Variants in CALD1 observed in about 807,000 individuals in gnomAD.
CALD1 encodes the protein caldesmon.
Under a neutral mutation model 99.9 loss-of-function variants are expected in CALD1, and 33 were observed. The ratio of observed to expected loss-of-function variants is 0.33; its 90% CI spans 0.25 to 0.44. CALD1 has a LOEUF of 0.44. CALD1 is among the 20% of genes least tolerant of loss of function. The pLI is 1.00. For missense variants in CALD1, 861 were observed against 962.1 expected, an observed-to-expected ratio of 0.89 and a Z score of 1.39; for synonymous variants, 310 against 325.0, an observed-to-expected ratio of 0.95 and a Z score of 0.50.
At chr7:134,847,688 G>A (rs575261729) in intron 2 of CALD1, among the ~76,000 whole-genome samples, 1 of 152,284 alleles carries the variant, frequency 6.6e-6, no homozygotes, top group African/African-American at 2.4e-5. Flanking sequence ...CCCGGCCAGG[G>A]AATTGCACCT....
chr7:134,957,982 G>C, intron 9 of CALD1, 87 bp from the exon 10 acceptor site: 1 of 983,914 alleles, frequency 1.0e-6, no homozygotes, highest in African/African-American at 1.6e-5. Flanking sequence ...TGTTTAACAG[G>C]TTCAGGGATG....
chr7:134,789,031 T>TAAAAAAAAAAAA (rs35315682), intron 1 of CALD1, among the ~76,000 whole-genome samples: 1 of 116,810 alleles, frequency 8.6e-6, no homozygotes, highest in Non-Finnish European at 1.7e-5. Context: ...AAACAAAAAG[T>TAAAAAAAAAAAA]AAAAAAAAAA....
In CALD1 at chr7:134,859,203, C is replaced by T. The variant is rs375059753; in HGVS notation, c.-41-8490C>T. On this transcript the variant is annotated intron_variant, in intron 2 of 14. Transcript: ENST00000361675. ...ATGCACCCCCATTTTTGGGTAGTTG[C>T]GCTGGAGCCAGCCCTCCCTGTATCT... Among the ~76,000 whole-genome samples, 19 of 152,244 alleles carry T rather than the reference C, an allele frequency of 1.2e-4. No individual in the cohort carries two copies. In the South Asian group the frequency reaches 2.1e-3, roughly 17 times the overall value.
chr7:134,871,849 A>C (rs993076145), intron 3 of CALD1, among the ~76,000 whole-genome samples: 1 of 152,274 alleles, frequency 6.6e-6, no homozygotes, highest in African/African-American at 2.4e-5. Context: ...ACAGATTAAA[A>C]TAAAGCGAAT....
chr7:134,965,920 T>C (rs1050215211), intron 14 of CALD1, among the ~76,000 whole-genome samples: 1 of 152,128 alleles, frequency 6.6e-6, no homozygotes, highest in African/African-American at 2.4e-5. Flanking sequence ...TGGGTTCCTC[T>C]TACTTTTAGT....
At chr7:134,748,708 T>TA in intron 1 of CALD1, among the ~76,000 whole-genome samples, 1 of 132,380 alleles carries the variant, frequency 7.6e-6, no homozygotes, top group East Asian at 2.3e-4. Context: ...TGAAACTCCA[T>TA]CCCCCCGCCC....
At chr7:134,802,172 ATATGTG>A (rs1797972043) in intron 1 of CALD1, among the ~76,000 whole-genome samples, 1 of 97,330 alleles carries the variant, frequency 1.0e-5, no homozygotes, top group Non-Finnish European at 2.4e-5. Context: ...ATGTCAACAT[ATATGTG>A]TGTGTGTGTA....
chr7:134,798,027 C>T (rs992223037), intron 1 of CALD1, among the ~76,000 whole-genome samples: 14 of 152,132 alleles, frequency 9.2e-5, no homozygotes, highest in Non-Finnish European at 1.6e-4. Flanking sequence ...CATTAAGGCA[C>T]ATTTGTCACA....
Position 134,786,407 on chromosome 7 carries a change from TG to T in CALD1, c.-130+6661del, listed in dbSNP as rs1797307328. ...TTAAAACATATAATTATATTATGTG[TG>T]GGAAGGTTGGGACAGGAAATTTGGG... On this transcript the variant is annotated intron_variant, in intron 1 of 14. Transcript: ENST00000361675. Among the ~76,000 whole-genome samples, 3 of 152,116 alleles carry T rather than the reference TG, an allele frequency of 2.0e-5. No homozygotes were observed. The South Asian group carries it at 6.2e-4, about 32-fold the overall frequency.
intron 1 of CALD1, among the ~76,000 whole-genome samples, chr7:134,828,796 C>T (rs948162935): frequency 6.6e-6 from 1 of 152,204 alleles, no homozygotes; most frequent in Non-Finnish European, 1.5e-5. Context: ...GCTTTTAGGT[C>T]TGCCCCTGGT....
chr7:134,814,527 A>G (rs958016701), intron 1 of CALD1, among the ~76,000 whole-genome samples: 2 of 152,182 alleles, frequency 1.3e-5, no homozygotes, highest in African/African-American at 4.8e-5. Context: ...AAGAACACAC[A>G]GAATTCTGGG....
intron 3 of CALD1, among the ~76,000 whole-genome samples, chr7:134,888,825 T>C (rs555540931): frequency 2.0e-5 from 3 of 152,186 alleles, no homozygotes; most frequent in Non-Finnish European, 4.4e-5. Context: ...CTGTTTCCCT[T>C]TCCCTCTTTT....
intron 3 of CALD1, among the ~76,000 whole-genome samples, chr7:134,876,823 A>T (rs1347089956): frequency 6.6e-6 from 1 of 152,208 alleles, no homozygotes; most frequent in Non-Finnish European, 1.5e-5. Flanking sequence ...AAAAGATAAG[A>T]ACTGATTTGA....
chr7:134,940,987 A>T, intron 6 of CALD1, 105 bp from the exon 7 acceptor site: 1 of 840,514 alleles, frequency 1.2e-6, no homozygotes, highest in Non-Finnish European at 1.8e-6. Flanking sequence ...TTTCTTTCTG[A>T]GTTTTCTGCC....
At position 134,898,643 on chromosome 7, in the gene CALD1, G is replaced by A. The variant is rs141489789; in HGVS notation, c.72-30111G>A. ...GGCTGGAGTGCAGTGGCATGGTCTC[G>A]GCTCACTGCAACCTCCACCTCCTGG... On this transcript the variant is annotated intron_variant, in intron 3 of 14. Transcript: ENST00000361675. 1.2e-3 allele frequency among the ~76,000 whole-genome samples: 180 copies of A among 151,902 alleles called. 2 individuals are homozygous for A. The highest frequency in any genetic ancestry group is 3.5e-3 in the African/African-American group (146 of 41,414).
chr7:134,735,565 C>CTGTGTGTG, the CALD1 span, among the ~76,000 whole-genome samples: 65 of 121,392 alleles, frequency 5.4e-4, no homozygotes, highest in East Asian at 2.4e-3. Context: ...CCACTACCCT[C>CTGTGTGTG]TGTGTGTGTG....
chr7:134,909,287 T>C (rs927502163), intron 3 of CALD1, among the ~76,000 whole-genome samples: 3 of 152,232 alleles, frequency 2.0e-5, no homozygotes, highest in African/African-American at 7.2e-5. Flanking sequence ...AAGTTTTGAA[T>C]TTTGAAAGAA....
In CALD1 at chr7:134,837,912, A is replaced by G. The variant is rs1399938042; in HGVS notation, c.-129-5972A>G. ...CTTAGGTTATTAAGTGTAGAGTTCT[A>G]TGTGACCCATAGTCAGTCTTACAAT... On this transcript the variant is annotated intron_variant, in intron 1 of 14. Transcript: ENST00000361675. Among the ~76,000 whole-genome samples the G allele has an allele frequency of 4.6e-5, 7 of 152,208 alleles. 1 individual carries two copies. The highest frequency in any genetic ancestry group is 1.7e-4 in the African/African-American group (7 of 41,466).
At chr7:134,817,533 A>G (rs1029221357) in intron 1 of CALD1, among the ~76,000 whole-genome samples, 1 of 152,110 alleles carries the variant, frequency 6.6e-6, no homozygotes, top group Non-Finnish European at 1.5e-5. Flanking sequence ...CATTACAACC[A>G]CGGGGTTCCT....
Sources: gnomAD v4.1 joint callset for allele counts (sites outside exome capture counted in the v4.1 genomes callset) on GRCh38, gnomAD v4.1.1 for gene constraint, MANE v1.5 for transcripts, NCBI Gene and HGNC (gene_info 2026-07-23, HGNC 2026-07-21) for gene names.